RCN2: variants seen among roughly 807,000 people sequenced by gnomAD.
RCN2 encodes the protein reticulocalbin-2.
A neutral mutation model predicts 37.5 loss-of-function variants in RCN2; 23 were observed. The ratio of observed to expected loss-of-function variants is 0.61; its 90% CI spans 0.44 to 0.87. The LOEUF (loss-of-function observed/expected upper bound fraction) is 0.87, where lower values mean the gene tolerates loss of function less well. Ranked by LOEUF, RCN2 falls within the 40% of genes least tolerant of loss-of-function variation. The pLI is 0.00. For synonymous variants in RCN2, 140 were observed against 144.6 expected (o/e 0.97, Z 0.23); for missense variants, 381 against 390.4 (o/e 0.98, Z 0.20).
Position 76,949,337 on chromosome 15 carries a change from G to A in RCN2, c.*115G>A. On this transcript the variant is annotated 3_prime_UTR_variant, in exon 7 of 7. Coordinates refer to ENST00000394885, the MANE Select transcript of RCN2 (RefSeq NM_002902.3). Reference sequence around the variant, plus strand: ...CACTCTTAAGTCTTAACCACAGTCAGAATTATCTTAATGTAGATTATAATT... The same window carrying A: ...CACTCTTAAGTCTTAACCACAGTCAAAATTATCTTAATGTAGATTATAATT... 1 of 693,840 alleles carries A rather than the reference G, an allele frequency of 1.4e-6. No homozygotes were observed. The highest frequency in any genetic ancestry group is 1.8e-5 in the African/African-American group (1 of 54,494). The allele number at this position is 693,840 out of a possible 1,614,324, so 43.0% of individuals were successfully genotyped here.
Position 76,953,553 on chromosome 15 carries a change from TTCTATATATATATATATA to T in RCN2, c.*4333_*4350del, listed in dbSNP as rs1366341508. 1.6e-3 allele frequency: 123 copies of T among 77,512 alleles called. 1 individual carries two copies. Among genetic ancestry groups the T allele is most frequent in the African/African-American group, 6.6e-3 (117 of 17,862 alleles). 4.8% of individuals were successfully genotyped at this position (77,512 alleles called of 1,614,324 possible). A position where few individuals can be genotyped will look rare whatever the true frequency, so the allele number is the denominator to read the frequency against. On this transcript the variant is annotated 3_prime_UTR_variant, in exon 7 of 7. Coordinates refer to ENST00000394885, the MANE Select transcript of RCN2 (RefSeq NM_002902.3). Reference sequence around the variant, plus strand: ...GTGGGATTGCTGGATCATATAGTAATTCTATATATATATATATATATATATATATATATATATATATTT... The same window carrying T: ...GTGGGATTGCTGGATCATATAGTAATTATATATATATATATATATATATTT...
At position 76,949,119 on chromosome 15, in the gene RCN2, C is replaced by T; in HGVS notation, c.851C>T (p.Ser284Phe). The change falls in exon 7 of 7, where the codon TCT becomes TTT. Residue 284 changes from serine (S) to phenylalanine (F), a missense_variant. Physicochemically the swap from Ser to Phe is radical, Grantham distance 155. Coordinates refer to ENST00000394885, the MANE Select transcript of RCN2 (RefSeq NM_002902.3). ...GATTTGAATGGTGACAAAAAGCTCTCTGAAGAAGAGATTCTGGAAAACCCG... is the reference window on the plus strand; with the variant it reads ...GATTTGAATGGTGACAAAAAGCTCTTTGAAGAAGAGATTCTGGAAAACCCG... ...EMDLNGDKKL[S>F]EEEILENPDL... 1 of 1,612,922 alleles carries T rather than the reference C, an allele frequency of 6.2e-7. No individual in the cohort carries two copies. Among genetic ancestry groups the T allele is most frequent in the Non-Finnish European group, 8.5e-7 (1 of 1,179,564 alleles).
intron 6 of RCN2, 55 bp from the exon 7 acceptor site, chr15:76,949,015 A>G (rs868179154): frequency 6.9e-7 from 1 of 1,445,514 alleles, no homozygotes. Flanking sequence ...TTAAATTGTG[A>G]ACATCTTGCT....
intron 3 of RCN2, among the ~76,000 whole-genome samples, chr15:76,937,486 G>A (rs559432893): frequency 1.3e-5 from 2 of 151,012 alleles, no homozygotes; most frequent in African/African-American, 2.4e-5. Flanking sequence ...GTATAATCTC[G>A]GCTCACTGCC....
Position 76,950,370 on chromosome 15 carries a change from G to A in RCN2, c.*1148G>A, listed in dbSNP as rs1354279536. The A allele has an allele frequency of 1.3e-5, 2 of 150,200 alleles. No individual in the cohort carries two copies. Among genetic ancestry groups the A allele is most frequent in the African/African-American group, 4.9e-5 (2 of 40,838 alleles). The allele number at this position is 150,200 out of a possible 1,614,324, so 9.3% of individuals were successfully genotyped here. ...AATTTTTTTCTAGTTCTGATGTACAGAGATTGTTTTTCATTCTTTTTTTTT... is the reference window on the plus strand; with the variant it reads ...AATTTTTTTCTAGTTCTGATGTACAAAGATTGTTTTTCATTCTTTTTTTTT... On this transcript the variant is annotated 3_prime_UTR_variant, in exon 7 of 7. Coordinates refer to ENST00000394885, the MANE Select transcript of RCN2 (RefSeq NM_002902.3).
rs1328087736 is a variant in RCN2, at chr15:76,951,305, A to ACTAT, written c.*2086_*2089dup. On this transcript the variant is annotated 3_prime_UTR_variant, in exon 7 of 7. Transcript: ENST00000394885. ...TGGAAGTAGTGTGTGTCACTATCAG[A>ACTAT]CTATCTCATGACAAACCCTTTTCCT... The ACTAT allele has an allele frequency of 6.6e-6, 1 of 152,232 alleles. No individual in the cohort carries two copies. Among genetic ancestry groups the ACTAT allele is most frequent in the African/African-American group, 2.4e-5 (1 of 41,466 alleles). The allele number at this position is 152,232 out of a possible 1,614,324, so 9.4% of individuals were successfully genotyped here.
At chr15:76,936,178 A>C (rs1040760056) in intron 3 of RCN2, among the ~76,000 whole-genome samples, 1 of 139,780 alleles carries the variant, frequency 7.2e-6, no homozygotes, top group African/African-American at 2.8e-5. Flanking sequence ...AGTAAGTATT[A>C]AAAAAAAAAA....
At position 76,947,512 on chromosome 15, in the gene RCN2, A is replaced by T; in HGVS notation, c.653A>T (p.Asp218Val). 1 of 1,586,598 alleles carries T rather than the reference A, an allele frequency of 6.3e-7. No individual in the cohort carries two copies. The highest frequency in any genetic ancestry group is 1.1e-5 in the South Asian group (1 of 88,862). Residue 218 changes from aspartate (D) to valine (V), a missense_variant, in exon 5 of 7, where the codon GAT (aspartate) becomes GTT (valine). Physicochemically the swap from Asp to Val is radical, Grantham distance 152. Coordinates refer to ENST00000394885, the MANE Select transcript of RCN2 (RefSeq NM_002902.3). ...LEEFLGDYRWDPTANEDPEWI... is the reference protein window; with the variant it reads ...LEEFLGDYRWVPTANEDPEWI... ...GAATTTCTTGGTGATTACAGGTGGG[A>T]TCCAAGTAAGTCACCTGGGAGAATG...
chr15:76,948,283 T>G (rs2075304447), intron 5 of RCN2, 127 bp from the exon 6 acceptor site: 1 of 559,732 alleles, frequency 1.8e-6, no homozygotes, highest in Non-Finnish European at 2.9e-6. Context: ...AGTTAAGTAG[T>G]TCTGTTTTAT....
rs781504195 is a variant in RCN2, at chr15:76,931,802, C to T, written c.-40C>T. On this transcript the variant is annotated 5_prime_UTR_variant, in exon 1 of 7. Transcript: ENST00000394885. ...AGCCGGCCCGGGCCCCCGCCAGCCTCCCTCCTCGCGTCCCTCGGTGTCCTC... is the reference window on the plus strand; with the variant it reads ...AGCCGGCCCGGGCCCCCGCCAGCCTTCCTCCTCGCGTCCCTCGGTGTCCTC... 52 of 1,199,816 alleles carry T rather than the reference C, an allele frequency of 4.3e-5. No individual in the cohort carries two copies. Among genetic ancestry groups the T allele is most frequent in the Admixed American group, 2.3e-4 (5 of 22,206 alleles). 74.3% of individuals were successfully genotyped at this position (1,199,816 alleles called of 1,614,324 possible).
chr15:76,939,933 G>C (rs2075270117), intron 3 of RCN2, among the ~76,000 whole-genome samples: 1 of 152,120 alleles, frequency 6.6e-6, no homozygotes, highest in African/African-American at 2.4e-5. Context: ...CTCATAAATT[G>C]TTTATGAACA....
intron 3 of RCN2, among the ~76,000 whole-genome samples, chr15:76,940,546 C>CTTTTTTTTTT (rs11463370): frequency 4.2e-5 from 5 of 119,664 alleles, no homozygotes; most frequent in Non-Finnish European, 6.7e-5. Flanking sequence ...TGAACTTCAC[C>CTTTTTTTTTT]TTTTTTTTTT....
rs1160274574 is a variant in RCN2, at chr15:76,953,559, A to C, written c.*4337A>C. The C allele has an allele frequency of 2.1e-4, 2 of 9,548 alleles. No homozygotes were observed. The highest frequency in any genetic ancestry group is 5.0e-3 in the East Asian group (2 of 404). 0.6% of individuals were successfully genotyped at this position (9,548 alleles called of 1,614,324 possible). ...TTGCTGGATCATATAGTAATTCTAT[A>C]TATATATATATATATATATATATAT... On this transcript the variant is annotated 3_prime_UTR_variant, in exon 7 of 7. Coordinates refer to ENST00000394885, the MANE Select transcript of RCN2 (RefSeq NM_002902.3).
chr15:76,941,612 A>G, intron 3 of RCN2: 1 of 1,370,780 alleles, frequency 7.3e-7, no homozygotes, highest in Middle Eastern at 2.3e-4. Context: ...TATGAAACTG[A>G]CCATCTTTTT....
chr15:76,941,674 G>T, intron 3 of RCN2: 1 of 1,497,074 alleles, frequency 6.7e-7, no homozygotes, highest in Non-Finnish European at 9.0e-7. Context: ...TTCTGTTTTT[G>T]GCTTCTTCGA....
rs1042388045 is a variant in RCN2 at position 76,950,000 on chromosome 15, T to G, written c.*778T>G. ...TTATCTTGCCTCATCCATTCCTTTA[T>G]GTGGATAGTTCCCAAAACTGTCAAA... On this transcript the variant is annotated 3_prime_UTR_variant, in exon 7 of 7. Transcript: ENST00000394885. 6.6e-6 allele frequency: 1 copy of G among 152,658 alleles called. No homozygotes were observed. The highest frequency in any genetic ancestry group is 1.5e-5 in the Non-Finnish European group (1 of 68,034). 9.5% of individuals were successfully genotyped at this position (152,658 alleles called of 1,614,324 possible). A position where few individuals can be genotyped will look rare whatever the true frequency, so the allele number is the denominator to read the frequency against.
Position 76,932,402 on chromosome 15 carries a change from G to C in RCN2, c.186G>C (p.Gln62His), listed in dbSNP as rs780165153. The change falls in exon 2 of 7, where the codon CAG (glutamine) becomes CAC (histidine). Residue 62 changes from glutamine (Q) to histidine (H), a missense_variant. Coordinates refer to ENST00000394885, the MANE Select transcript of RCN2 (RefSeq NM_002902.3). ...DEYVKLGHEE[Q>H]QKRLQAIIKK... ...ATGTTAAACTCGGCCACGAAGAGCA[G>C]CAAAAAAGACTGCAGGCGATCATAA... 6.2e-7 allele frequency: 1 copy of C among 1,613,908 alleles called. No homozygotes were observed. Among genetic ancestry groups the C allele is most frequent in the Non-Finnish European group, 8.5e-7 (1 of 1,179,888 alleles).
Position 76,931,758 on chromosome 15 carries a change from G to C in RCN2, c.-84G>C. 2 of 1,082,486 alleles carry C rather than the reference G, an allele frequency of 1.8e-6. No homozygotes were observed. The highest frequency in any genetic ancestry group is 2.3e-6 in the Non-Finnish European group (2 of 865,694). 67.1% of individuals were successfully genotyped at this position (1,082,486 alleles called of 1,614,324 possible). On this transcript the variant is annotated 5_prime_UTR_variant, in exon 1 of 7. Coordinates refer to ENST00000394885, the MANE Select transcript of RCN2 (RefSeq NM_002902.3). Reference sequence around the variant, plus strand: ...ACGTACGTCGCACCGCCTCTCTGTAGCCGCCCGCGGAGCATCGCAGCCGGC... The same window carrying C: ...ACGTACGTCGCACCGCCTCTCTGTACCCGCCCGCGGAGCATCGCAGCCGGC...
At chr15:76,941,682 C>T (rs754612421) in intron 3 of RCN2, 28 of 1,485,282 alleles carry the variant, frequency 1.9e-5, no homozygotes, top group South Asian at 1.9e-4. Context: ...TTGGCTTCTT[C>T]GATTTAATGT....
Sources: allele counts gnomAD v4.1 joint callset (sites outside exome capture counted in the v4.1 genomes callset), GRCh38; gene constraint gnomAD v4.1.1; transcripts MANE v1.5; gene names NCBI Gene and HGNC (gene_info 2026-07-23, HGNC 2026-07-21).